The following MED12L variants were observed in gnomAD, a reference collection of about 807,000 sequenced individuals.
MED12L encodes the protein mediator of RNA polymerase II transcription subunit 12-like protein.
Under a neutral mutation model 281.3 loss-of-function variants are expected in MED12L, and 60 were observed. The observed-to-expected ratio is 0.21, with a 90% CI of 0.17 to 0.26. The LOEUF is 0.26. Among genes scored for constraint, MED12L ranks in the 10% least tolerant of loss-of-function variants. MED12L has a pLI of 1.00. For missense variants in MED12L, 2,146 were observed against 2,680.9 expected (o/e 0.80, Z 4.41); for synonymous variants, 974 against 987.2 (o/e 0.99, Z 0.25).
chr3:151,196,870 A>G (rs1370468921), intron 16 of MED12L, among the ~76,000 whole-genome samples: 2 of 152,232 alleles, frequency 1.3e-5, no homozygotes, highest in East Asian at 3.8e-4. Flanking sequence ...GTGAAATGCA[A>G]AAATGAGTTT....
chr3:151,399,080 A>G (rs1449946340), intron 39 of MED12L, among the ~76,000 whole-genome samples: 1 of 152,192 alleles, frequency 6.6e-6, no homozygotes, highest in Non-Finnish European at 1.5e-5. Context: ...TTCTTACTCA[A>G]TATCCTGTAT....
intron 21 of MED12L, among the ~76,000 whole-genome samples, chr3:151,363,076 A>G (rs1754814480): frequency 6.6e-6 from 1 of 152,068 alleles, no homozygotes; most frequent in Non-Finnish European, 1.5e-5. Context: ...AAATGAGGTA[A>G]TTCAAGTAAC....
intron 16 of MED12L, chr3:151,294,782 A>T (rs1222045826): frequency 7.4e-6 from 12 of 1,613,986 alleles, no homozygotes; most frequent in Middle Eastern, 3.3e-4. Context: ...CGTGAAGGTT[A>T]TGCTGTACAT....
At chr3:151,160,314 C>T (rs1719826848) in intron 8 of MED12L, among the ~76,000 whole-genome samples, 1 of 152,158 alleles carries the variant, frequency 6.6e-6, no homozygotes, top group Non-Finnish European at 1.5e-5. Context: ...AGTGTTATTG[C>T]AGTTGTCCTT....
At chr3:151,305,355 G>C (rs1746503091) in intron 16 of MED12L, among the ~76,000 whole-genome samples, 1 of 152,200 alleles carries the variant, frequency 6.6e-6, no homozygotes, top group Non-Finnish European at 1.5e-5. Flanking sequence ...GCTGCTTAGA[G>C]ACCTGTTTTT....
At chr3:151,367,790 C>G (rs3732764) in intron 24 of MED12L, 24 bp downstream of exon 24, 2 of 1,584,372 alleles carry the variant, frequency 1.3e-6, no homozygotes, top group Non-Finnish European at 1.7e-6. Context: ...CATGAACATC[C>G]GTTGCTCTTT....
chr3:151,398,406 A>G (rs1159075819), intron 39 of MED12L, among the ~76,000 whole-genome samples: 1 of 152,218 alleles, frequency 6.6e-6, no homozygotes, highest in East Asian at 1.9e-4. Context: ...GAAAACTAGA[A>G]TTCCATAAAA....
At chr3:151,414,024 G>A (rs1717268361) in intron 42 of MED12L, among the ~76,000 whole-genome samples, 1 of 151,948 alleles carries the variant, frequency 6.6e-6, no homozygotes. Context: ...TAATTTTTTT[G>A]TATTTTTAGT....
intron 5 of MED12L, among the ~76,000 whole-genome samples, chr3:151,146,971 A>G (rs1176531229): frequency 2.0e-5 from 3 of 152,216 alleles, no homozygotes; most frequent in East Asian, 1.9e-4. Context: ...CAGGCAGCCA[A>G]TCAGTGCACT....
At chr3:151,161,468 G>A (rs1361974190) in intron 8 of MED12L, among the ~76,000 whole-genome samples, 2 of 152,090 alleles carry the variant, frequency 1.3e-5, no homozygotes, top group Non-Finnish European at 2.9e-5. Flanking sequence ...CTTAAGAGTC[G>A]GGCAGAGGGG....
intron 16 of MED12L, among the ~76,000 whole-genome samples, chr3:151,307,562 TGTGTGTG>T (rs1577292351): frequency 6.6e-6 from 1 of 151,204 alleles, no homozygotes; most frequent in East Asian, 1.9e-4. Context: ...TGTGTGTGTG[TGTGTGTG>T]TGTGTGTGTG....
Position 151,388,040 on chromosome 3 carries a change from G to A in MED12L, c.5319G>A (p.Glu1773=), listed in dbSNP as rs559780554. The A allele has an allele frequency of 3.1e-6, 5 of 1,614,042 alleles. No homozygotes were observed. In the Admixed American group the frequency reaches 5.0e-5, roughly 16 times the overall value. Residue 1773 remains glutamate, a synonymous_variant, in exon 37 of 45, where the codon GAG becomes GAA. Coordinates refer to ENST00000687756, the MANE Select transcript of MED12L (RefSeq NM_001393769.1). Reference sequence around the variant, plus strand: ...TGCCTCCTGAGGAGGAAGAGGAAGAGCCCACATCTCCAGTTTCTCAGGAAC... The same window carrying A: ...TGCCTCCTGAGGAGGAAGAGGAAGAACCCACATCTCCAGTTTCTCAGGAAC... The part of the protein sequence containing the change: ...LPLPPEEEEE[E]PTSPVSQEPE...
Position 151,409,473 on chromosome 3 carries a change from ATTTC to A in MED12L, c.5910+142_5910+145del. On this transcript the variant is annotated intron_variant, in intron 40 of 44. Transcript: ENST00000687756. ...CTTCTACTTATAGATTATAATTGAT[ATTTC>A]AAAAAAGCATGATCAGGATTGTTGA... 7.0e-6 allele frequency: 5 copies of A among 718,102 alleles called. No individual in the cohort carries two copies. In the Admixed American group the frequency reaches 1.1e-4, roughly 15 times the overall value. 44.5% of individuals were successfully genotyped at this position (718,102 alleles called of 1,614,324 possible). A position where few individuals can be genotyped will look rare whatever the true frequency, so the allele number is the denominator to read the frequency against.
chr3:151,430,228 G>A, intron 43 of MED12L, 71 bp from the exon 44 acceptor site: 2 of 1,599,794 alleles, frequency 1.3e-6, no homozygotes, highest in Non-Finnish European at 8.6e-7. Context: ...GGCCCTGCGA[G>A]TTAGTCTCTG....
At chr3:151,254,885 T>G (rs138688043) in intron 16 of MED12L, among the ~76,000 whole-genome samples, 1 of 152,216 alleles carries the variant, frequency 6.6e-6, no homozygotes, top group East Asian at 1.9e-4. Context: ...TATACACACT[T>G]CCAAAACTGT....
At position 151,318,555 on chromosome 3, in the gene MED12L, ATCAG is replaced by A. The variant is rs1413111886; in HGVS notation, c.2251-31500_2251-31497del. On this transcript the variant is annotated intron_variant, in intron 16 of 44. Transcript: ENST00000687756. Reference sequence around the variant, plus strand: ...CAACTAACTGTTAAGTACTAAAGGCATCAGTCAAAGGGAGAAGCATCTCTTATGG... The same window carrying A: ...CAACTAACTGTTAAGTACTAAAGGCATCAAAGGGAGAAGCATCTCTTATGG... Among the ~76,000 whole-genome samples the A allele has an allele frequency of 5.3e-5, 8 of 152,170 alleles. No homozygotes were observed. In the South Asian group the frequency reaches 1.7e-3, roughly 31 times the overall value.
intron 7 of MED12L, among the ~76,000 whole-genome samples, chr3:151,159,426 CAAT>C (rs2148951401): frequency 6.6e-6 from 1 of 152,304 alleles, no homozygotes; most frequent in Admixed American, 6.5e-5. Context: ...CTGTCCATTA[CAAT>C]AGCCACTAGC....
intron 5 of MED12L, among the ~76,000 whole-genome samples, chr3:151,140,089 T>C (rs887642422): frequency 6.6e-6 from 1 of 152,212 alleles, no homozygotes; most frequent in Admixed American, 6.5e-5. Context: ...CTTAGATAAA[T>C]TGCAAGAGCT....
At chr3:151,372,471 T>A in intron 26 of MED12L, 96 bp from the exon 27 acceptor site, 1 of 851,286 alleles carries the variant, frequency 1.2e-6, no homozygotes, top group Middle Eastern at 2.2e-4. Context: ...ACTGTTCATA[T>A]ATTTTAAATC....
Sources: gnomAD v4.1 joint callset for allele counts (sites outside exome capture counted in the v4.1 genomes callset) on GRCh38, gnomAD v4.1.1 for gene constraint, MANE v1.5 for transcripts, NCBI Gene and HGNC (gene_info 2026-07-23, HGNC 2026-07-21) for gene names.